The following BTRC variants were observed in gnomAD, a reference collection of about 807,000 sequenced individuals.
BTRC encodes beta-transducin repeat containing E3 ubiquitin protein ligase.
Under a neutral mutation model 85.5 loss-of-function variants are expected in BTRC, and 42 were observed. The observed-to-expected ratio is 0.49, with a 90% CI of 0.38 to 0.64. The LOEUF (loss-of-function observed/expected upper bound fraction) is 0.64. Among genes scored for constraint, BTRC ranks in the 30% least tolerant of loss-of-function variants. The pLI is 0.00. For synonymous variants in BTRC, 255 were observed against 263.3 expected (o/e 0.97, Z 0.30); for missense variants, 594 against 743.5 (o/e 0.80, Z 2.34).
chr10:101,485,577 G>A (rs1442372476), intron 4 of BTRC, among the ~76,000 whole-genome samples: 1 of 152,182 alleles, frequency 6.6e-6, no homozygotes, highest in Non-Finnish European at 1.5e-5. Flanking sequence ...AAAACTTTCG[G>A]TAGTTCTTTT....
intron 3 of BTRC, among the ~76,000 whole-genome samples, chr10:101,473,465 CTTTTT>C (rs869163139): frequency 4.1e-5 from 4 of 96,772 alleles, no homozygotes; most frequent in African/African-American, 1.8e-4. Context: ...TCTTTTTTCT[CTTTTT>C]TTTTTTTTTT....
chr10:101,425,747 G>A (rs1395204178), intron 1 of BTRC, among the ~76,000 whole-genome samples: 1 of 151,676 alleles, frequency 6.6e-6, no homozygotes. Context: ...GAGGTCAAGG[G>A]TGCAGTGAGC....
intron 4 of BTRC, among the ~76,000 whole-genome samples, chr10:101,516,633 C>T (rs2062027641): frequency 6.6e-6 from 1 of 152,204 alleles, no homozygotes; most frequent in South Asian, 2.1e-4. Context: ...GTAATTCCCA[C>T]TTATGACTTG....
intron 1 of BTRC, among the ~76,000 whole-genome samples, chr10:101,410,224 C>CT (rs1339181064): frequency 6.6e-6 from 1 of 152,080 alleles, no homozygotes; most frequent in Admixed American, 6.6e-5. Context: ...TGCTTTTTAG[C>CT]TTTCTTTAGT....
chr10:101,508,913 TAAAAAAAAA>T (rs59998718), intron 4 of BTRC, among the ~76,000 whole-genome samples: 6 of 101,932 alleles, frequency 5.9e-5, no homozygotes, highest in South Asian at 4.1e-4. Flanking sequence ...GACTCCATCT[TAAAAAAAAA>T]AAAAAAAAAA....
chr10:101,435,012 G>T (rs911442882), intron 2 of BTRC, among the ~76,000 whole-genome samples: 1 of 151,736 alleles, frequency 6.6e-6, no homozygotes, highest in Admixed American at 6.6e-5. Context: ...TCAATAATTT[G>T]TTCTATGTCA....
chr10:101,523,342 C>T (rs1452849367), intron 5 of BTRC, among the ~76,000 whole-genome samples: 16 of 152,046 alleles, frequency 1.1e-4, no homozygotes, highest in Admixed American at 1.0e-3. Context: ...TACATAAAAT[C>T]ATTTTTTTGG....
chr10:101,493,756 G>A (rs993039817), intron 4 of BTRC, among the ~76,000 whole-genome samples: 1 of 151,992 alleles, frequency 6.6e-6, no homozygotes, highest in Non-Finnish European at 1.5e-5. Context: ...AATTAAAAAC[G>A]CCTCAATTAG....
Position 101,363,461 on chromosome 10 carries a change from G to GT in BTRC, c.48+9239dup, listed in dbSNP as rs71472568. Among the ~76,000 whole-genome samples, 348 of 132,418 alleles carry GT rather than the reference G, an allele frequency of 2.6e-3. 2 individuals carry two copies. The highest frequency in any genetic ancestry group is 9.1e-3 in the African/African-American group (325 of 35,860). The allele number at this position is 132,418 out of a possible 152,430, so 86.9% of individuals were successfully genotyped here. ...GAAGTTCGTTTTTGTTTTTGTTTTT[G>GT]TTTTTTCTTTTTTTTGAGATGGAGT... On this transcript the variant is annotated intron_variant, in intron 1 of 14. Coordinates refer to ENST00000370187, the MANE Select transcript of BTRC (RefSeq NM_033637.4).
At chr10:101,510,404 G>A (rs964810477) in intron 4 of BTRC, among the ~76,000 whole-genome samples, 1 of 151,434 alleles carries the variant, frequency 6.6e-6, no homozygotes, top group African/African-American at 2.4e-5. Flanking sequence ...CAGCTACTCC[G>A]GAGGCTGAGG....
chr10:101,535,369 A>T lies in BTRC; in HGVS notation c.1363A>T (p.Thr455Ser). Residue 455 changes from threonine to serine, a missense_variant, in exon 11 of 15, where the codon ACT becomes TCT. Coordinates refer to ENST00000370187, the MANE Select transcript of BTRC (RefSeq NM_033637.4). ...TCTTTTTCAGGTATGGAACACAAGT[A>T]CTTGTGAATTTGTAAGGACCTTAAA... Reference protein sequence around the residue: ...DRTIKVWNTSTCEFVRTLNGH... With the variant: ...DRTIKVWNTSSCEFVRTLNGH... 1.2e-6 allele frequency: 2 copies of T among 1,613,746 alleles called. No individual in the cohort carries two copies. Among genetic ancestry groups the T allele is most frequent in the East Asian group, 2.2e-5 (1 of 44,880 alleles).
chr10:101,430,674 G>A (rs1457958041), intron 2 of BTRC, among the ~76,000 whole-genome samples: 3 of 152,130 alleles, frequency 2.0e-5, no homozygotes, highest in Non-Finnish European at 2.9e-5. Flanking sequence ...TACAAAAATT[G>A]ACATAGTACA....
intron 1 of BTRC, among the ~76,000 whole-genome samples, chr10:101,408,260 CTATT>C (rs1198802268): frequency 6.6e-6 from 1 of 151,658 alleles, no homozygotes; most frequent in Non-Finnish European, 1.5e-5. Flanking sequence ...GATCATTTTG[CTATT>C]TATTTGTTTT....
At chr10:101,377,056 G>A (rs545636513) in intron 1 of BTRC, among the ~76,000 whole-genome samples, 13 of 151,992 alleles carry the variant, frequency 8.6e-5, no homozygotes, top group African/African-American at 1.4e-4. Context: ...TCACTCCCCC[G>A]CAAAAAACTC....
intron 3 of BTRC, among the ~76,000 whole-genome samples, chr10:101,467,531 G>A (rs556881018): frequency 6.6e-6 from 1 of 152,210 alleles, no homozygotes; most frequent in African/African-American, 2.4e-5. Flanking sequence ...TAGGCAAGGT[G>A]TAATTGCAAT....
At position 101,532,442 on chromosome 10, in the gene BTRC, A is replaced by G. The variant is rs543747100; in HGVS notation, c.978+10A>G. The stretch of plus-strand genomic sequence containing the variant: ...AGACAACACAATCAAGGTGAGGTCT[A>G]TTCAGTTGTAGAAAGGTAGCAGAGG... On this transcript the variant is annotated intron_variant, in intron 8 of 14. Transcript: ENST00000370187. The G allele has an allele frequency of 8.1e-6, 13 of 1,601,594 alleles. No individual in the cohort carries two copies. Among genetic ancestry groups the G allele is most frequent in the African/African-American group, 2.7e-5 (2 of 74,716 alleles).
intron 1 of BTRC, among the ~76,000 whole-genome samples, chr10:101,412,938 A>G (rs894210660): frequency 6.6e-6 from 1 of 152,238 alleles, no homozygotes; most frequent in African/African-American, 2.4e-5. Flanking sequence ...ATATGAAACA[A>G]AGTAACAAAA....
chr10:101,535,332 T>C, intron 10 of BTRC, 22 bp from the exon 11 acceptor site: 1 of 1,579,122 alleles, frequency 6.3e-7, no homozygotes, highest in Non-Finnish European at 8.7e-7. Flanking sequence ...AATCAACTGC[T>C]CAATGCCATT....
intron 4 of BTRC, among the ~76,000 whole-genome samples, chr10:101,515,171 G>A (rs992389047): frequency 2.0e-5 from 3 of 151,964 alleles, no homozygotes; most frequent in African/African-American, 7.3e-5. Context: ...AGCCAGGCTG[G>A]TCTCAAACTC....
Sources: gnomAD v4.1 joint callset for allele counts (sites outside exome capture counted in the v4.1 genomes callset) on GRCh38, gnomAD v4.1.1 for gene constraint, MANE v1.5 for transcripts, NCBI Gene and HGNC (gene_info 2026-07-23, HGNC 2026-07-21) for gene names.